MAF: variants seen among roughly 807,000 people sequenced by gnomAD.
The protein encoded by MAF is transcription factor Maf.
A neutral mutation model predicts 22.0 loss-of-function variants in MAF; 10 were observed. The observed-to-expected ratio is 0.45, with a 90% CI of 0.28 to 0.77. MAF has a LOEUF of 0.77. Among genes scored for constraint, MAF ranks in the 30% least tolerant of loss-of-function variants. The probability of loss-of-function intolerance (pLI) is 0.12; values close to 1 mark genes in which losing one functional copy is unlikely to be tolerated. For missense variants in MAF, 544 were observed against 548.4 expected, an observed-to-expected ratio of 0.99 and a Z score of 0.08; for synonymous variants, 337 against 255.8, an observed-to-expected ratio of 1.32 and a Z score of -3.03.
the MAF span, among the ~76,000 whole-genome samples, chr16:79,255,036 T>A: frequency 5.9e-5 from 9 of 152,324 alleles, no homozygotes; most frequent in Non-Finnish European, 7.4e-5. Context: ...TCACTCTGGA[T>A]CCTTGCCTAC....
At chr16:79,279,311 A>G in the MAF span, among the ~76,000 whole-genome samples, 3 of 152,066 alleles carry the variant, frequency 2.0e-5, no homozygotes, top group Non-Finnish European at 4.4e-5. Flanking sequence ...CCTCTTTTGG[A>G]AAGTGGGAAT....
chr16:79,258,824 G>A, the MAF span, among the ~76,000 whole-genome samples: 1 of 152,162 alleles, frequency 6.6e-6, no homozygotes, highest in Non-Finnish European at 1.5e-5. Flanking sequence ...CACCCCCAAG[G>A]TCTCTCTGCA....
the MAF span, among the ~76,000 whole-genome samples, chr16:79,406,544 C>T: frequency 3.9e-5 from 6 of 152,188 alleles, no homozygotes; most frequent in African/African-American, 1.4e-4. Context: ...CTCCCCAGGG[C>T]CTCTTTTAGA....
chr16:79,534,199 G>A, the MAF span, among the ~76,000 whole-genome samples: 2 of 152,066 alleles, frequency 1.3e-5, no homozygotes, highest in Admixed American at 1.3e-4. Context: ...TGTAAATTTG[G>A]TTTACACCTT....
chr16:79,377,631 G>C, the MAF span, among the ~76,000 whole-genome samples: 18 of 152,156 alleles, frequency 1.2e-4, no homozygotes, highest in Non-Finnish European at 1.0e-4. Flanking sequence ...GTATTGCCTA[G>C]GTTTTCTTCT....
chr16:79,256,616 T>C, the MAF span, among the ~76,000 whole-genome samples: 2 of 152,314 alleles, frequency 1.3e-5, no homozygotes, highest in African/African-American at 2.4e-5. Flanking sequence ...GTTTTAACCA[T>C]GGACATAGAT....
chr16:79,282,329 G>T, the MAF span, among the ~76,000 whole-genome samples: 1 of 152,200 alleles, frequency 6.6e-6, no homozygotes, highest in Non-Finnish European at 1.5e-5. Flanking sequence ...TTATAAAACT[G>T]TTAGGAGGTT....
the MAF span, among the ~76,000 whole-genome samples, chr16:79,494,988 G>A: frequency 3.9e-5 from 6 of 152,170 alleles, no homozygotes; most frequent in Non-Finnish European, 8.8e-5. Flanking sequence ...CAACGCATAA[G>A]GACAGGTATG....
At chr16:79,373,998 T>A in the MAF span, among the ~76,000 whole-genome samples, 179 of 152,322 alleles carry the variant, frequency 1.2e-3, 1 homozygote, top group Non-Finnish European at 1.9e-3. Flanking sequence ...ATTCTCATGA[T>A]CCTGAGAGTT....
chr16:79,397,911 A>G, the MAF span, among the ~76,000 whole-genome samples: 3 of 152,208 alleles, frequency 2.0e-5, no homozygotes, highest in Non-Finnish European at 4.4e-5. Flanking sequence ...TCTGGAGAGA[A>G]AGATGTATCA....
the MAF span, among the ~76,000 whole-genome samples, chr16:79,578,959 C>T: frequency 6.6e-6 from 1 of 152,126 alleles, no homozygotes; most frequent in Non-Finnish European, 1.5e-5. Context: ...GGGAGGGACC[C>T]TTCCAGTAAC....
the MAF span, among the ~76,000 whole-genome samples, chr16:79,400,854 G>A: frequency 5.3e-5 from 8 of 152,366 alleles, no homozygotes; most frequent in African/African-American, 1.2e-4. Flanking sequence ...TTGAGAAATG[G>A]CCTGGGGTAT....
At chr16:79,503,868 A>G in the MAF span, among the ~76,000 whole-genome samples, 1 of 152,198 alleles carries the variant, frequency 6.6e-6, no homozygotes, top group Non-Finnish European at 1.5e-5. Flanking sequence ...CTTTTTTGGT[A>G]ATTTCTTAAG....
the MAF span, among the ~76,000 whole-genome samples, chr16:79,540,494 G>A: frequency 2.8e-3 from 429 of 152,182 alleles, 1 homozygote; most frequent in African/African-American, 9.8e-3. Context: ...CAGCTCAGAC[G>A]AAGCCAGCTG....
chr16:79,211,664 G>A, the MAF span: 1 of 1,614,166 alleles, frequency 6.2e-7, no homozygotes. Flanking sequence ...TGGAGGGTCT[G>A]GGAGGGATGT....
the MAF span, among the ~76,000 whole-genome samples, chr16:79,221,953 C>T: frequency 6.6e-6 from 1 of 152,082 alleles, no homozygotes; most frequent in Non-Finnish European, 1.5e-5. Flanking sequence ...ATACACTTCC[C>T]TGGGACACAG....
the MAF span, among the ~76,000 whole-genome samples, chr16:79,276,169 GGA>G: frequency 1.9e-4 from 28 of 145,180 alleles, 1 homozygote; most frequent in Middle Eastern, 7.0e-3. Flanking sequence ...AAGAAAGAAA[GGA>G]AAGAAAAGAA....
chr16:79,300,976 A>G, the MAF span, among the ~76,000 whole-genome samples: 4 of 152,252 alleles, frequency 2.6e-5, no homozygotes, highest in Non-Finnish European at 5.9e-5. Flanking sequence ...GCAGAGGGGC[A>G]GAAGGGGGAG....
the MAF span, among the ~76,000 whole-genome samples, chr16:79,247,685 G>C: frequency 2.0e-5 from 3 of 152,018 alleles, no homozygotes; most frequent in Non-Finnish European, 4.4e-5. Context: ...GCTGCAGCCG[G>C]AACAAAGGCA....
Sources: allele counts gnomAD v4.1 joint callset (sites outside exome capture counted in the v4.1 genomes callset), GRCh38; gene constraint gnomAD v4.1.1; transcripts MANE v1.5; gene names NCBI Gene and HGNC (gene_info 2026-07-23, HGNC 2026-07-21).